Variants in UBTD2 observed in about 807,000 individuals in gnomAD.
UBTD2 encodes ubiquitin domain containing 2.
In UBTD2, 9 loss-of-function variants were observed where a neutral mutation model predicts 19.8. That is an observed-to-expected ratio of 0.46 (90% confidence interval 0.27 to 0.79). UBTD2 has a LOEUF of 0.79. UBTD2 is among the 30% of genes least tolerant of loss of function. The pLI is 0.14. For synonymous variants in UBTD2, 98 were observed against 103.9 expected, an observed-to-expected ratio of 0.94 and a Z score of 0.35; for missense variants, 250 against 300.4, an observed-to-expected ratio of 0.83 and a Z score of 1.24.
chr5:172,242,961 T>C (rs1314967985), intron 1 of UBTD2, among the ~76,000 whole-genome samples: 2 of 152,140 alleles, frequency 1.3e-5, no homozygotes, highest in Non-Finnish European at 2.9e-5. Context: ...TCAGTCACTA[T>C]GTATGCTCCG....
rs759961876 is a variant in UBTD2, at chr5:172,212,051, T to G, written c.484A>C (p.Lys162Gln). The change falls in exon 3 of 3, where the codon AAA becomes CAA. Residue 162 changes from lysine (K) to glutamine (Q), a missense_variant. Transcript: ENST00000393792. ...CQLRLRLSTG[K>Q]DLKLVVRSTD... is the part of the protein sequence containing the mutation. ...CTGCGAACCACAAGCTTGAGGTCTT[T>G]GCCTGTGGAAAGGCGCAAACGAAGC... The G allele has an allele frequency of 1.9e-6, 3 of 1,614,230 alleles. No homozygotes were observed. The highest frequency in any genetic ancestry group is 2.5e-6 in the Non-Finnish European group (3 of 1,180,034).
At chr5:172,266,092 C>G (rs1755372612) in intron 1 of UBTD2, among the ~76,000 whole-genome samples, 1 of 152,042 alleles carries the variant, frequency 6.6e-6, no homozygotes, top group Non-Finnish European at 1.5e-5. Context: ...TGCCACCACA[C>G]CCGGCTAATT....
intron 1 of UBTD2, among the ~76,000 whole-genome samples, chr5:172,241,839 C>T (rs970541001): frequency 6.6e-6 from 1 of 152,044 alleles, no homozygotes; most frequent in Non-Finnish European, 1.5e-5. Flanking sequence ...GCCAACACGG[C>T]GAAACCTCAT....
intron 1 of UBTD2, among the ~76,000 whole-genome samples, chr5:172,239,355 G>C (rs1422923622): frequency 6.6e-6 from 1 of 152,144 alleles, no homozygotes; most frequent in African/African-American, 2.4e-5. Flanking sequence ...GGGAGGCTGA[G>C]GCAGGGGGGA....
intron 1 of UBTD2, among the ~76,000 whole-genome samples, chr5:172,275,631 C>T (rs979395634): frequency 3.9e-5 from 6 of 152,120 alleles, no homozygotes; most frequent in African/African-American, 1.4e-4. Context: ...TCCTCTTTCA[C>T]TTACTTATTA....
At chr5:172,218,599 ATGCACAAAAAAATTTT>A (rs1454503055) in intron 2 of UBTD2, among the ~76,000 whole-genome samples, 1 of 151,824 alleles carries the variant, frequency 6.6e-6, no homozygotes, top group Admixed American at 6.6e-5. Flanking sequence ...CCTGGGTAAC[ATGCACAAAAAAATTTT>A]TGCACAAAAA....
At chr5:172,264,527 C>T (rs953265985) in intron 1 of UBTD2, among the ~76,000 whole-genome samples, 1 of 134,646 alleles carries the variant, frequency 7.4e-6, no homozygotes, top group Non-Finnish European at 1.6e-5. Flanking sequence ...GGCAACAGAG[C>T]GAGATTCCGT....
At chr5:172,247,729 C>A (rs776260429) in intron 1 of UBTD2, among the ~76,000 whole-genome samples, 1 of 152,120 alleles carries the variant, frequency 6.6e-6, no homozygotes, top group Non-Finnish European at 1.5e-5. Flanking sequence ...GTTCTACAAA[C>A]AATACTTGGA....
At chr5:172,279,139 G>A (rs947197172) in intron 1 of UBTD2, among the ~76,000 whole-genome samples, 1 of 152,178 alleles carries the variant, frequency 6.6e-6, no homozygotes, top group African/African-American at 2.4e-5. Flanking sequence ...ATTCTTTATA[G>A]CAGCCCTGGG....
intron 1 of UBTD2, among the ~76,000 whole-genome samples, chr5:172,281,568 G>A (rs374151559): frequency 6.6e-6 from 1 of 152,198 alleles, no homozygotes. Flanking sequence ...TGAAAAGCTA[G>A]GGATCTGTGC....
Position 172,274,416 on chromosome 5 carries a change from G to T in UBTD2, c.70+9180C>A, listed in dbSNP as rs147820236. 9.6e-3 allele frequency among the ~76,000 whole-genome samples: 1,454 copies of T among 152,158 alleles called. 32 individuals are homozygous for T. The highest frequency in any genetic ancestry group is 0.033 in the African/African-American group (1,365 of 41,518). On this transcript the variant is annotated intron_variant, in intron 1 of 2. Coordinates refer to ENST00000393792, the MANE Select transcript of UBTD2 (RefSeq NM_152277.3). ...AGCCTCCCAAAGTGCTGGGATTACA[G>T]GTGTGAGCCACTGCACCTGGCTGTT...
intron 2 of UBTD2, among the ~76,000 whole-genome samples, chr5:172,224,872 A>T (rs1771733484): frequency 6.6e-6 from 1 of 152,240 alleles, no homozygotes; most frequent in Non-Finnish European, 1.5e-5. Flanking sequence ...AAAGGGAAGG[A>T]ACACTCTAAA....
intron 1 of UBTD2, chr5:172,254,509 G>A (rs894612451): frequency 5.7e-5 from 32 of 563,846 alleles, no homozygotes; most frequent in African/African-American, 4.2e-4. Flanking sequence ...TCATCAGACC[G>A]AGCAAACGTC....
chr5:172,250,933 C>CA (rs56280728), intron 1 of UBTD2, among the ~76,000 whole-genome samples: 7,749 of 43,934 alleles, frequency 0.18, 1,952 homozygotes, highest in East Asian at 0.21. Flanking sequence ...GACCCTGTCT[C>CA]AAAAAAAAAA....
At chr5:172,251,190 G>A (rs1755002906) in intron 1 of UBTD2, among the ~76,000 whole-genome samples, 2 of 150,660 alleles carry the variant, frequency 1.3e-5, no homozygotes, top group East Asian at 2.0e-4. Context: ...GTGGTTGCAG[G>A]TGCCTGTAGT....
chr5:172,262,949 A>G (rs1016425400), intron 1 of UBTD2, among the ~76,000 whole-genome samples: 2 of 152,062 alleles, frequency 1.3e-5, no homozygotes, highest in Non-Finnish European at 2.9e-5. Flanking sequence ...TTGTTGTTTT[A>G]TTTTTTGAGA....
chr5:172,247,050 G>A lies in UBTD2; in HGVS notation c.71-12692C>T, dbSNP rs558321487. Among the ~76,000 whole-genome samples, 19 of 151,862 alleles carry A rather than the reference G, an allele frequency of 1.3e-4. No homozygotes were observed. In the East Asian group the frequency reaches 2.3e-3, roughly 19 times the overall value. Reference sequence around the variant, plus strand: ...ATTACAAGCATGAGCCACAGCATCCGGCCCAAGATTGCAGTTTTAAAGATT... The same window carrying A: ...ATTACAAGCATGAGCCACAGCATCCAGCCCAAGATTGCAGTTTTAAAGATT... On this transcript the variant is annotated intron_variant, in intron 1 of 2. Transcript: ENST00000393792.
chr5:172,224,579 C>T (rs1771724125), intron 2 of UBTD2, among the ~76,000 whole-genome samples: 1 of 152,172 alleles, frequency 6.6e-6, no homozygotes. Flanking sequence ...GCATGAGCCA[C>T]TGTGCCCGGC....
intron 1 of UBTD2, among the ~76,000 whole-genome samples, chr5:172,235,052 T>C (rs1266732099): frequency 6.6e-6 from 1 of 152,084 alleles, no homozygotes; most frequent in Non-Finnish European, 1.5e-5. Flanking sequence ...TACCTTCCTC[T>C]CAATTCTGTT....
Sources: allele counts gnomAD v4.1 joint callset (sites outside exome capture counted in the v4.1 genomes callset), GRCh38; gene constraint gnomAD v4.1.1; transcripts MANE v1.5; gene names NCBI Gene and HGNC (gene_info 2026-07-23, HGNC 2026-07-21).